The following REV1 variants were observed in gnomAD, a reference collection of about 807,000 sequenced individuals.
The protein encoded by REV1 is translesion synthesis protein REV1.
In REV1, 42 loss-of-function variants were observed where a neutral mutation model predicts 137.4. The ratio of observed to expected loss-of-function variants is 0.31; its 90% confidence interval spans 0.24 to 0.40. The LOEUF (loss-of-function observed/expected upper bound fraction) is 0.40. REV1 is among the 10% of genes least tolerant of loss of function. The pLI is 1.00. For synonymous variants in REV1, 524 were observed against 519.2 expected, an observed-to-expected ratio of 1.01 and a Z score of -0.12; for missense variants, 1,282 against 1,490.1, an observed-to-expected ratio of 0.86 and a Z score of 2.30.
chr2:99,412,784 T>G lies in REV1; in HGVS notation c.2119A>C (p.Lys707Gln). 6.2e-7 allele frequency: 1 copy of G among 1,614,148 alleles called. No individual in the cohort carries two copies. The highest frequency in any genetic ancestry group is 8.5e-7 in the Non-Finnish European group (1 of 1,180,004). The change falls in exon 13 of 23, where the codon AAG becomes CAG. Residue 707 changes from lysine (K) to glutamine (Q), a missense_variant. Coordinates refer to ENST00000258428, the MANE Select transcript of REV1 (RefSeq NM_016316.4). The stretch of plus-strand genomic sequence containing the variant: ...TCAGCTGAAACAGATTTTCTTTCCT[T>G]TTCAGTTCGAACTGGTCTATCATCC... ...GLDDRPVRTE[K>Q]ERKSVSAEIN...
At chr2:99,413,040 A>C (rs1677391320) in intron 12 of REV1, 89 bp from the exon 13 acceptor site, 1 of 907,360 alleles carries the variant, frequency 1.1e-6, no homozygotes, top group Non-Finnish European at 1.7e-6. Flanking sequence ...TGCACAAAAC[A>C]ACTAGTTTAA....
At position 99,429,998 on chromosome 2, in the gene REV1, C is replaced by A. The variant is rs750911057; in HGVS notation, c.1439-50G>T. 3.5e-6 allele frequency: 4 copies of A among 1,157,438 alleles called. No homozygotes were observed. In the East Asian group the frequency reaches 1.2e-4, roughly 34 times the overall value. 71.7% of individuals were successfully genotyped at this position (1,157,438 alleles called of 1,614,324 possible). ...GGTTATATGTTATAAACTGATTTTCCCTCACTTTTTCAAGAAATTTGTTTT... is the reference window on the plus strand; with the variant it reads ...GGTTATATGTTATAAACTGATTTTCACTCACTTTTTCAAGAAATTTGTTTT... On this transcript the variant is annotated intron_variant, in intron 8 of 22. Coordinates refer to ENST00000258428, the MANE Select transcript of REV1 (RefSeq NM_016316.4).
chr2:99,408,254 A>G (rs1574984586), intron 14 of REV1, 123 bp from the exon 15 acceptor site: 3 of 483,760 alleles, frequency 6.2e-6, no homozygotes, highest in Middle Eastern at 5.6e-4. Context: ...GAAGATTATA[A>G]AAGTGAATGC....
In REV1 at chr2:99,489,952, C is replaced by CA. The variant is rs1687536582; in HGVS notation, c.-147dup. On this transcript the variant is annotated 5_prime_UTR_variant, in exon 1 of 23. Coordinates refer to ENST00000258428, the MANE Select transcript of REV1 (RefSeq NM_016316.4). ...GGGGGAAGGCAGCCCCACCGCTGAG[C>CA]AGCGCCGCGGTCCACGCTCCCCCAC... The CA allele has an allele frequency of 6.7e-6, 1 of 149,904 alleles. No homozygotes were observed. Among genetic ancestry groups the CA allele is most frequent in the African/African-American group, 2.4e-5 (1 of 41,142 alleles). The allele number at this position is 149,904 out of a possible 1,614,324, so 9.3% of individuals were successfully genotyped here.
At chr2:99,447,517 A>C (rs899202239) in intron 4 of REV1, among the ~76,000 whole-genome samples, 1 of 152,070 alleles carries the variant, frequency 6.6e-6, no homozygotes, top group Non-Finnish European at 1.5e-5. Flanking sequence ...GAATTTTTGG[A>C]ATTTTCTAAT....
chr2:99,406,119 AAT>A lies in REV1; in HGVS notation c.2615-15_2615-14del. 6.3e-7 allele frequency: 1 copy of A among 1,597,668 alleles called. No individual in the cohort carries two copies. The highest frequency in any genetic ancestry group is 8.5e-7 in the Non-Finnish European group (1 of 1,171,092). ...GCAGCCCGAAATACTACAAAAAGAAAATATATAAAATAGCCTCTTCAGATCAT... is the reference window on the plus strand; with the variant it reads ...GCAGCCCGAAATACTACAAAAAGAAAATATAAAATAGCCTCTTCAGATCAT... On this transcript the variant is annotated splice_polypyrimidine_tract_variant and intron_variant, in intron 16 of 22. Coordinates refer to ENST00000258428, the MANE Select transcript of REV1 (RefSeq NM_016316.4).
rs1675326474 is a variant in REV1, at chr2:99,401,095, C to T, written c.*146G>A. 2.0e-6 allele frequency: 1 copy of T among 497,002 alleles called. No homozygotes were observed. Among genetic ancestry groups the T allele is most frequent in the South Asian group, 3.6e-5 (1 of 27,540 alleles). The allele number at this position is 497,002 out of a possible 1,614,324, so 30.8% of individuals were successfully genotyped here. A position where few individuals can be genotyped will look rare whatever the true frequency, so the allele number is the denominator to read the frequency against. On this transcript the variant is annotated 3_prime_UTR_variant, in exon 23 of 23. Transcript: ENST00000258428. ...ACATGCAATACTGACAAATTTGGCA[C>T]TTTTTGAAAAGAAATGTACAAAACA...
In REV1 at chr2:99,412,898, C is replaced by A; in HGVS notation, c.2005G>T (p.Gly669Ter). ...KLASLGIKTC[G>*]DLQYMTMAKL... ...GCCATGGTCATATACTGCAAGTCTC[C>A]ACAAGTTTTAATTCCCAAAGATGCC... Residue 669 changes from glycine (G) to a stop codon, truncating the protein, a stop_gained, in exon 13 of 23, where the codon GGA (glycine) becomes TGA (stop). Coordinates refer to ENST00000258428, the MANE Select transcript of REV1 (RefSeq NM_016316.4). LOFTEE classifies it high-confidence loss of function. The A allele has an allele frequency of 6.2e-7, 1 of 1,614,130 alleles. No homozygotes were observed. The highest frequency in any genetic ancestry group is 8.5e-7 in the Non-Finnish European group (1 of 1,179,986).
chr2:99,409,994 A>G (rs1011551596), intron 14 of REV1, among the ~76,000 whole-genome samples: 2 of 151,896 alleles, frequency 1.3e-5, no homozygotes, highest in Non-Finnish European at 2.9e-5. Flanking sequence ...TCATTTTTCT[A>G]GCTACTATAG....
chr2:99,456,472 A>G (rs1026157543), intron 3 of REV1, among the ~76,000 whole-genome samples: 5 of 152,194 alleles, frequency 3.3e-5, no homozygotes, highest in Non-Finnish European at 7.3e-5. Context: ...GAAGTCAGGG[A>G]AGGTCTCCGT....
intron 8 of REV1, among the ~76,000 whole-genome samples, chr2:99,433,980 C>T (rs1470220341): frequency 6.6e-6 from 1 of 152,146 alleles, no homozygotes; most frequent in African/African-American, 2.4e-5. Context: ...TCTACTTCCT[C>T]ATACAAATCT....
At chr2:99,436,613 C>T (rs2104791576) in intron 6 of REV1, 1 of 152,372 alleles carries the variant, frequency 6.6e-6, no homozygotes, top group Admixed American at 6.5e-5. Context: ...ATGACATATA[C>T]CACATTTAAG....
intron 1 of REV1, among the ~76,000 whole-genome samples, chr2:99,473,489 T>C (rs1382419753): frequency 6.6e-6 from 1 of 152,244 alleles, no homozygotes; most frequent in Non-Finnish European, 1.5e-5. Context: ...TTTTAGCGAC[T>C]GATTCTAAAC....
Position 99,439,115 on chromosome 2 carries a change from A to G in REV1, c.699T>C (p.Asn233=). Residue 233 remains asparagine, a synonymous_variant, in exon 6 of 23, where the codon AAT becomes AAC. Coordinates refer to ENST00000258428, the MANE Select transcript of REV1 (RefSeq NM_016316.4). ...AIFNGHTPSS[N]GALKTQDCLV... ...AGCAATCCTGTGTCTTTAAGGCACCATTAGAGCTAGGAGTGTGTCCATTAA... is the reference window on the plus strand; with the variant it reads ...AGCAATCCTGTGTCTTTAAGGCACCGTTAGAGCTAGGAGTGTGTCCATTAA... 2 of 1,614,178 alleles carry G rather than the reference A, an allele frequency of 1.2e-6. No homozygotes were observed. The highest frequency in any genetic ancestry group is 2.2e-5 in the South Asian group (2 of 91,068).
intron 4 of REV1, among the ~76,000 whole-genome samples, chr2:99,447,265 C>T (rs565083359): frequency 3.4e-4 from 52 of 152,160 alleles, no homozygotes; most frequent in African/African-American, 1.2e-3. Flanking sequence ...CTCTGCCTCC[C>T]AGGTTCAAGC....
chr2:99,466,782 T>C (rs1006688132), intron 1 of REV1, among the ~76,000 whole-genome samples: 21 of 152,238 alleles, frequency 1.4e-4, no homozygotes, highest in African/African-American at 4.1e-4. Flanking sequence ...GAGGAGAGAT[T>C]TCTTTTTTAA....
intron 22 of REV1, 37 bp from the exon 23 acceptor site, chr2:99,401,389 A>G (rs761892310): frequency 1.4e-6 from 2 of 1,384,596 alleles, no homozygotes; most frequent in South Asian, 2.3e-5. Flanking sequence ...ATTAGGAATT[A>G]GGAAAGGTCC....
intron 3 of REV1, 107 bp downstream of exon 3, chr2:99,462,389 C>T (rs1295645524): frequency 1.9e-6 from 2 of 1,045,000 alleles, no homozygotes; most frequent in African/African-American, 1.7e-5. Context: ...TCTCATCTTA[C>T]AATCATTTGT....
At chr2:99,449,943 AAT>A (rs1408387370) in intron 3 of REV1, among the ~76,000 whole-genome samples, 2 of 152,214 alleles carry the variant, frequency 1.3e-5, no homozygotes, top group Non-Finnish European at 2.9e-5. Flanking sequence ...TCAGATAAAT[AAT>A]AGTTACTCAT....
Sources: gnomAD v4.1 joint callset for allele counts (sites outside exome capture counted in the v4.1 genomes callset) on GRCh38, gnomAD v4.1.1 for gene constraint, MANE v1.5 for transcripts, NCBI Gene and HGNC (gene_info 2026-07-23, HGNC 2026-07-21) for gene names.